The following DYNC2I1 variants were observed in gnomAD, a reference collection of about 807,000 sequenced individuals.
The protein encoded by DYNC2I1 is dynein 2 intermediate chain 1.
In DYNC2I1, 89 loss-of-function variants were observed where a neutral mutation model predicts 133.4. The ratio of observed to expected loss-of-function variants is 0.67; its 90% CI spans 0.56 to 0.80. The LOEUF is 0.80. Among genes scored for constraint, DYNC2I1 ranks in the 30% least tolerant of loss-of-function variants. DYNC2I1 has a pLI of 0.00. For synonymous variants in DYNC2I1, 504 were observed against 484.3 expected (o/e 1.04, Z -0.54); for missense variants, 1,291 against 1,314.5 (o/e 0.98, Z 0.28).
chr7:158,914,792 C>CT (rs1319094954), intron 14 of DYNC2I1, among the ~76,000 whole-genome samples: 3 of 151,602 alleles, frequency 2.0e-5, no homozygotes, highest in South Asian at 2.1e-4. Flanking sequence ...CTCGTCTGAC[C>CT]CCCCTGCCCA....
chr7:158,916,677 G>C (rs1456271316), intron 14 of DYNC2I1, among the ~76,000 whole-genome samples: 5 of 70,700 alleles, frequency 7.1e-5, no homozygotes, highest in African/African-American at 1.5e-4. Flanking sequence ...CCTCGACACG[G>C]TGGTTGAGAT....
At chr7:158,841,830 G>A in the DYNC2I1 span, among the ~76,000 whole-genome samples, 2 of 152,188 alleles carry the variant, frequency 1.3e-5, no homozygotes, top group Non-Finnish European at 2.9e-5. Flanking sequence ...CAGAAGTGAG[G>A]TTGACGTGAG....
the DYNC2I1 span, among the ~76,000 whole-genome samples, chr7:158,849,424 G>C: frequency 5.3e-5 from 8 of 152,152 alleles, no homozygotes; most frequent in Non-Finnish European, 1.0e-4. Context: ...TTCATTTTCT[G>C]GCTGGAAACC....
intron 20 of DYNC2I1, among the ~76,000 whole-genome samples, chr7:158,927,501 A>G (rs1010698698): frequency 6.6e-6 from 1 of 152,116 alleles, no homozygotes; most frequent in African/African-American, 2.4e-5. Flanking sequence ...ATAACCTTAT[A>G]AACTGTTGAA....
intron 4 of DYNC2I1, among the ~76,000 whole-genome samples, chr7:158,955,868 G>T (rs954918518): frequency 6.6e-6 from 1 of 152,372 alleles, no homozygotes; most frequent in Admixed American, 6.5e-5. Context: ...GGGATGGGAA[G>T]GTCAAAGGCA....
In DYNC2I1 at chr7:158,942,020, C is replaced by T. The variant is rs771495058; in HGVS notation, c.2874C>T (p.Thr958=). The change falls in exon 24 of 25, where the codon ACC becomes ACT. Residue 958 remains threonine, a synonymous_variant. Coordinates refer to ENST00000407559, the MANE Select transcript of DYNC2I1 (RefSeq NM_018051.5). ...GCAGCACGGACAGCCATGCGGTCACCGGCCTGCAGTGGTCCCCAACCAGGC... is the reference window on the plus strand; with the variant it reads ...GCAGCACGGACAGCCATGCGGTCACTGGCCTGCAGTGGTCCCCAACCAGGC... ...WDSSTDSHAV[T]GLQWSPTRPA... is the part of the protein sequence containing the mutation. 82 of 1,613,310 alleles carry T rather than the reference C, an allele frequency of 5.1e-5. No individual in the cohort carries two copies. Among genetic ancestry groups the T allele is most frequent in the South Asian group, 4.3e-4 (39 of 91,028 alleles).
intron 3 of DYNC2I1, among the ~76,000 whole-genome samples, chr7:158,875,159 A>C (rs1156270920): frequency 7.3e-6 from 1 of 137,390 alleles, no homozygotes; most frequent in East Asian, 2.2e-4. Context: ...GCAGTGTTGC[A>C]GTCTTGGCTC....
intron 8 of DYNC2I1, among the ~76,000 whole-genome samples, chr7:158,901,100 GC>G (rs1193802143): frequency 2.6e-5 from 4 of 152,044 alleles, no homozygotes; most frequent in Non-Finnish European, 4.4e-5. Context: ...TTTCTAGTAT[GC>G]TTTGTAATAT....
chr7:158,884,424 A>G (rs1224014085), intron 5 of DYNC2I1, 140 bp from the exon 6 acceptor site: 2 of 615,594 alleles, frequency 3.2e-6, no homozygotes, highest in African/African-American at 3.8e-5. Context: ...TGGTAAAAAT[A>G]GTTATTTTAA....
At chr7:158,841,211 A>AT in the DYNC2I1 span, among the ~76,000 whole-genome samples, 2 of 47,182 alleles carry the variant, frequency 4.2e-5, no homozygotes, top group African/African-American at 1.8e-4. Context: ...ATATATATAT[A>AT]TATATATATA....
chr7:158,871,312 T>G lies in DYNC2I1; in HGVS notation c.240T>G (p.Pro80=). ...AAGTCCACACCGCTAAGGAGAGTCC[T>G]CGTGGGGAGAGGGACAGAGACAGAC... ...VAEVHTAKES[P]RGERDRDRQR... is the part of the protein sequence containing the mutation. Residue 80 remains proline (P), a synonymous_variant, in exon 3 of 25, where the codon CCT becomes CCG. Transcript: ENST00000407559. The G allele has an allele frequency of 6.4e-7, 1 of 1,567,432 alleles. No homozygotes were observed. The highest frequency in any genetic ancestry group is 1.4e-5 in the African/African-American group (1 of 73,670).
the DYNC2I1 span, among the ~76,000 whole-genome samples, chr7:158,840,958 T>G: frequency 2.6e-5 from 4 of 152,162 alleles, no homozygotes; most frequent in East Asian, 7.7e-4. Flanking sequence ...CCACTCCCTC[T>G]CCACCAGCCC....
chr7:158,923,859 G>A (rs1849348091), intron 17 of DYNC2I1, 126 bp downstream of exon 17: 2 of 1,158,298 alleles, frequency 1.7e-6, no homozygotes, highest in East Asian at 2.7e-5. Flanking sequence ...CTGACCCATG[G>A]GCAAAAGAGG....
chr7:158,890,786 C>T (rs1845131171), intron 7 of DYNC2I1, among the ~76,000 whole-genome samples: 1 of 152,120 alleles, frequency 6.6e-6, no homozygotes, highest in African/African-American at 2.4e-5. Flanking sequence ...GTTGGCTAGG[C>T]TGGTCTTGAA....
At chr7:158,952,023 C>T (rs1462298722) in intron 4 of DYNC2I1, among the ~76,000 whole-genome samples, 1 of 152,224 alleles carries the variant, frequency 6.6e-6, no homozygotes, top group African/African-American at 2.4e-5. Context: ...CACAGGCGTG[C>T]ATCACCCATG....
chr7:158,881,455 A>T lies in DYNC2I1; in HGVS notation c.879+1466A>T, dbSNP rs557685084. ...ATTTTTTTTGTTTTTATTTATTTTT[A>T]TTTATTTATTTATTTTGAGACAGAG... On this transcript the variant is annotated intron_variant, in intron 5 of 24. Coordinates refer to ENST00000407559, the MANE Select transcript of DYNC2I1 (RefSeq NM_018051.5). 9.6e-4 allele frequency among the ~76,000 whole-genome samples: 145 copies of T among 151,682 alleles called. 1 individual carries two copies. The highest frequency in any genetic ancestry group is 3.4e-3 in the African/African-American group (139 of 41,336).
At chr7:158,916,367 G>A (rs71546425) in intron 14 of DYNC2I1, among the ~76,000 whole-genome samples, 2 of 56,062 alleles carry the variant, frequency 3.6e-5, no homozygotes, top group Admixed American at 1.6e-4. Flanking sequence ...GTGAAACGTC[G>A]ACACGCTGGT....
At chr7:158,856,012 G>A (rs1841205261), upstream of DYNC2I1, among the ~76,000 whole-genome samples, 1 of 140,342 alleles carries the variant, frequency 7.1e-6, no homozygotes, top group Non-Finnish European at 1.5e-5. Context: ...CGTGATCTCC[G>A]CTCACTGCAA....
intron 6 of DYNC2I1, among the ~76,000 whole-genome samples, chr7:158,886,483 A>G (rs541356631): frequency 6.6e-6 from 1 of 152,330 alleles, no homozygotes; most frequent in Admixed American, 6.5e-5. Context: ...GTTAAAACAC[A>G]TAATTTCTTC....
Sources: gnomAD v4.1 joint callset for allele counts (sites outside exome capture counted in the v4.1 genomes callset) on GRCh38, gnomAD v4.1.1 for gene constraint, MANE v1.5 for transcripts, NCBI Gene and HGNC (gene_info 2026-07-23, HGNC 2026-07-21) for gene names.